TSNARE1: variants seen among roughly 807,000 people sequenced by gnomAD.
TSNARE1 encodes t-SNARE domain-containing protein 1.
A neutral mutation model predicts 62.0 loss-of-function variants in TSNARE1; 49 were observed. The ratio of observed to expected loss-of-function variants is 0.79; its 90% confidence interval spans 0.63 to 1.00. The LOEUF is 1.00. TSNARE1 is among the 50% of genes least tolerant of loss of function. The pLI, the probability that TSNARE1 is intolerant of heterozygous loss-of-function variation, is 0.00. For missense variants in TSNARE1, 755 were observed against 700.1 expected, an observed-to-expected ratio of 1.08 and a Z score of -0.88; for synonymous variants, 328 against 294.4, an observed-to-expected ratio of 1.11 and a Z score of -1.17.
intron 13 of TSNARE1, among the ~76,000 whole-genome samples, chr8:142,221,182 C>A (rs1816193690): frequency 6.6e-6 from 1 of 152,218 alleles, no homozygotes; most frequent in South Asian, 2.1e-4. Context: ...CTTTGTGGCG[C>A]TGTGGCGAGG....
intron 13 of TSNARE1, among the ~76,000 whole-genome samples, chr8:142,223,301 C>CTCAT (rs758974988): frequency 0.022 from 371 of 16,978 alleles, 1 homozygote; most frequent in South Asian, 0.038. Context: ...CACTCAACCA[C>CTCAT]TCACTCATTC....
At chr8:142,372,353 C>T (rs1345700271) in intron 1 of TSNARE1, among the ~76,000 whole-genome samples, 1 of 152,106 alleles carries the variant, frequency 6.6e-6, no homozygotes, top group African/African-American at 2.4e-5. Flanking sequence ...AGAAAACCAG[C>T]GAAGGATGAG....
At chr8:142,294,990 G>A (rs1005686107) in intron 10 of TSNARE1, among the ~76,000 whole-genome samples, 5 of 152,168 alleles carry the variant, frequency 3.3e-5, no homozygotes, top group African/African-American at 9.7e-5. Flanking sequence ...CGGAGTCCTG[G>A]GAGGCTCGGG....
At chr8:142,221,076 T>A (rs1261038812) in intron 13 of TSNARE1, among the ~76,000 whole-genome samples, 1 of 152,182 alleles carries the variant, frequency 6.6e-6, no homozygotes, top group Admixed American at 6.5e-5. Context: ...GAGAGAGAGA[T>A]CCTGCCTCAC....
chr8:142,364,207 A>G (rs569890270), intron 1 of TSNARE1, among the ~76,000 whole-genome samples: 2 of 152,264 alleles, frequency 1.3e-5, no homozygotes, highest in South Asian at 2.1e-4. Flanking sequence ...GTCTGCCCTC[A>G]TGGCAGTCTC....
At chr8:142,246,656 C>T (rs1281369042) in intron 12 of TSNARE1, among the ~76,000 whole-genome samples, 5 of 152,144 alleles carry the variant, frequency 3.3e-5, no homozygotes, top group African/African-American at 1.2e-4. Context: ...AGCCCTGGGC[C>T]CCTCGTCTTC....
intron 4 of TSNARE1, among the ~76,000 whole-genome samples, chr8:142,339,297 T>C (rs923417728): frequency 1.3e-5 from 2 of 151,644 alleles, no homozygotes; most frequent in African/African-American, 4.8e-5. Context: ...CAAAGCGAAG[T>C]TGACGTTGAC....
At chr8:142,279,339 G>A (rs1212793901) in intron 11 of TSNARE1, among the ~76,000 whole-genome samples, 12 of 152,216 alleles carry the variant, frequency 7.9e-5, no homozygotes, top group Non-Finnish European at 1.6e-4. Context: ...AGGCGGGAAC[G>A]GCAGAGGCCA....
intron 6 of TSNARE1, chr8:142,325,948 C>G (rs200350501): frequency 4.2e-3 from 389 of 93,068 alleles, no homozygotes; most frequent in South Asian, 0.011. Context: ...AGACGGATGA[C>G]GAACCAGCAC....
chr8:142,278,818 G>A, intron 11 of TSNARE1: 1 of 985,146 alleles, frequency 1.0e-6, no homozygotes, highest in Middle Eastern at 5.2e-4. Context: ...AGAGGGAGGG[G>A]CCTGCAGAAG....
In TSNARE1 at chr8:142,223,162, T is replaced by TCATTCATC. The variant is rs1563756872; in HGVS notation, c.*11+6310_*11+6311insGATGAATG. On this transcript the variant is annotated intron_variant, in intron 13 of 13. Transcript: ENST00000524325. ...TTCACTCATCCACTCACTCATTCAC[T>TCATTCATC]CACTCACTCAAGTATTCACTCATTC... Among the ~76,000 whole-genome samples the TCATTCATC allele has an allele frequency of 2.2e-3, 44 of 20,430 alleles. 7 individuals are homozygous for TCATTCATC. The highest frequency in any genetic ancestry group is 5.1e-3 in the African/African-American group (39 of 7,632). 13.4% of individuals were successfully genotyped at this position (20,430 alleles called of 152,430 possible).
At chr8:142,286,860 G>C (rs1822850783) in intron 10 of TSNARE1, among the ~76,000 whole-genome samples, 1 of 152,218 alleles carries the variant, frequency 6.6e-6, no homozygotes, top group Non-Finnish European at 1.5e-5. Context: ...GCCTGGTCTT[G>C]GTGGCTCATG....
chr8:142,250,856 C>T (rs539575305), intron 12 of TSNARE1, among the ~76,000 whole-genome samples: 1 of 152,300 alleles, frequency 6.6e-6, no homozygotes, highest in East Asian at 1.9e-4. Context: ...ACGCAGGAGC[C>T]GACGGACGAG....
chr8:142,392,783 A>C (rs1055049534), intron 1 of TSNARE1, among the ~76,000 whole-genome samples: 1 of 152,124 alleles, frequency 6.6e-6, no homozygotes, highest in Non-Finnish European at 1.5e-5. Flanking sequence ...TCTACTAAAA[A>C]TACAAAATTA....
intron 6 of TSNARE1, among the ~76,000 whole-genome samples, chr8:142,320,997 ACT>A (rs776350381): frequency 3.2e-4 from 49 of 152,242 alleles, no homozygotes; most frequent in Non-Finnish European, 5.9e-4. Context: ...TCCCTCACAA[ACT>A]GTTAGCACCA....
chr8:142,402,426 T>C (rs573958148), intron 1 of TSNARE1, among the ~76,000 whole-genome samples: 38 of 152,322 alleles, frequency 2.5e-4, no homozygotes, highest in Admixed American at 1.4e-3. Flanking sequence ...GCCTAGGGGC[T>C]ACCACACTGG....
chr8:142,212,744 C>T (rs1219483665), intron 13 of TSNARE1, among the ~76,000 whole-genome samples: 4 of 151,730 alleles, frequency 2.6e-5, no homozygotes, highest in Non-Finnish European at 5.9e-5. Context: ...TCCAAGCCCA[C>T]GAGACGACCC....
chr8:142,301,471 A>G (rs1224544337), intron 9 of TSNARE1, among the ~76,000 whole-genome samples: 42 of 72,106 alleles, frequency 5.8e-4, no homozygotes, highest in Admixed American at 1.5e-3. Flanking sequence ...TCAGGAGCCC[A>G]CAGTGCCCCC....
At chr8:142,342,702 C>A (rs527940371) in intron 4 of TSNARE1, among the ~76,000 whole-genome samples, 12 of 151,818 alleles carry the variant, frequency 7.9e-5, no homozygotes, top group African/African-American at 2.9e-4. Context: ...CAGGCCACCA[C>A]AGCAAGAGCT....
Sources: gnomAD v4.1 joint callset for allele counts (sites outside exome capture counted in the v4.1 genomes callset) on GRCh38, gnomAD v4.1.1 for gene constraint, MANE v1.5 for transcripts, NCBI Gene and HGNC (gene_info 2026-07-23, HGNC 2026-07-21) for gene names.